Variants in CDYL2 observed in about 807,000 individuals in gnomAD.
CDYL2 encodes chromodomain Y like 2, also known as chromodomain Y-like protein 2.
In CDYL2, 23 loss-of-function variants were observed where a neutral mutation model predicts 49.4. That is an observed-to-expected ratio of 0.47 (90% CI 0.34 to 0.66). The LOEUF (loss-of-function observed/expected upper bound fraction) is 0.66. Ranked by LOEUF, CDYL2 falls within the 30% of genes least tolerant of loss-of-function variation. The pLI, the probability that CDYL2 is intolerant of heterozygous loss-of-function variation, is 0.01. For synonymous variants in CDYL2, 360 were observed against 268.8 expected (o/e 1.34, Z -3.32); for missense variants, 678 against 656.4 (o/e 1.03, Z -0.36).
At chr16:80,741,919 ATTCCACT>A (rs1489221412) in intron 1 of CDYL2, among the ~76,000 whole-genome samples, 1 of 152,336 alleles carries the variant, frequency 6.6e-6, no homozygotes, top group East Asian at 1.9e-4. Context: ...TTGGTTAGTA[ATTCCACT>A]TTCAGAAAAC....
chr16:80,699,525 C>CTCT, intron 1 of CDYL2, among the ~76,000 whole-genome samples: 2 of 151,650 alleles, frequency 1.3e-5, no homozygotes, highest in Admixed American at 1.3e-4. Flanking sequence ...ATAGCACGAA[C>CTCT]AGAGGATAGG....
At chr16:80,676,133 G>A (rs183824387) in intron 2 of CDYL2, among the ~76,000 whole-genome samples, 2 of 152,280 alleles carry the variant, frequency 1.3e-5, no homozygotes, top group East Asian at 3.9e-4. Context: ...CACTTTCCAT[G>A]TGCATAGGGC....
chr16:80,746,950 AT>A (rs1313788076), intron 1 of CDYL2, among the ~76,000 whole-genome samples: 1 of 152,166 alleles, frequency 6.6e-6, no homozygotes, highest in Non-Finnish European at 1.5e-5. Flanking sequence ...CTAGGACTAT[AT>A]TCCAATATGG....
intron 1 of CDYL2, among the ~76,000 whole-genome samples, chr16:80,735,347 A>G (rs1266371405): frequency 6.6e-6 from 1 of 152,238 alleles, no homozygotes; most frequent in Non-Finnish European, 1.5e-5. Flanking sequence ...AATAAAGTAC[A>G]GTCTGAGTGA....
intron 1 of CDYL2, among the ~76,000 whole-genome samples, chr16:80,785,921 T>C (rs558417117): frequency 1.8e-3 from 267 of 152,284 alleles, no homozygotes; most frequent in Non-Finnish European, 2.6e-3. Context: ...TGCAGAAAAC[T>C]GAAGCTGAAC....
At chr16:80,774,798 G>C (rs1268749563) in intron 1 of CDYL2, among the ~76,000 whole-genome samples, 1 of 151,690 alleles carries the variant, frequency 6.6e-6, no homozygotes, top group African/African-American at 2.4e-5. Flanking sequence ...AGGAAGGTCA[G>C]AATGAGCAAA....
chr16:80,634,146 G>C, intron 2 of CDYL2, among the ~76,000 whole-genome samples: 1 of 151,692 alleles, frequency 6.6e-6, no homozygotes, highest in Non-Finnish European at 1.5e-5. Context: ...AATGAAAGAG[G>C]GGGCATCACT....
chr16:80,659,131 G>C (rs932324094), intron 2 of CDYL2, among the ~76,000 whole-genome samples: 4 of 152,122 alleles, frequency 2.6e-5, no homozygotes, highest in African/African-American at 9.7e-5. Context: ...ACAGACAGAT[G>C]AGATGGATAA....
intron 1 of CDYL2, among the ~76,000 whole-genome samples, chr16:80,752,407 C>A (rs538755325): frequency 6.6e-6 from 1 of 152,000 alleles, no homozygotes; most frequent in Non-Finnish European, 1.5e-5. Flanking sequence ...AAAAGAACAT[C>A]GAGTCACAAA....
chr16:80,642,758 T>C (rs887661849), intron 2 of CDYL2, among the ~76,000 whole-genome samples: 1 of 152,146 alleles, frequency 6.6e-6, no homozygotes, highest in Non-Finnish European at 1.5e-5. Context: ...CTCATGAGAC[T>C]TATTCACTAC....
At chr16:80,645,303 C>A (rs1475131469) in intron 2 of CDYL2, among the ~76,000 whole-genome samples, 1 of 152,062 alleles carries the variant, frequency 6.6e-6, no homozygotes, top group Non-Finnish European at 1.5e-5. Flanking sequence ...GAAAAAACAA[C>A]CCCATCAACA....
chr16:80,701,025 T>C (rs1015087817), intron 1 of CDYL2, among the ~76,000 whole-genome samples: 3 of 152,162 alleles, frequency 2.0e-5, no homozygotes, highest in Admixed American at 1.3e-4. Flanking sequence ...GTTGGACAGG[T>C]AGCATGAGTG....
chr16:80,668,532 A>T (rs1909365789), intron 2 of CDYL2, among the ~76,000 whole-genome samples: 1 of 151,800 alleles, frequency 6.6e-6, no homozygotes, highest in African/African-American at 2.4e-5. Flanking sequence ...ATATATATAA[A>T]CTTAGAGAAT....
chr16:80,752,642 T>C (rs1309932686), intron 1 of CDYL2, among the ~76,000 whole-genome samples: 3 of 152,230 alleles, frequency 2.0e-5, no homozygotes, highest in Non-Finnish European at 4.4e-5. Flanking sequence ...ATTTGCCCTA[T>C]GGAAATATCC....
intron 2 of CDYL2, among the ~76,000 whole-genome samples, chr16:80,662,071 G>C (rs968021180): frequency 1.3e-5 from 2 of 152,130 alleles, no homozygotes; most frequent in Non-Finnish European, 2.9e-5. Context: ...AGATCATGAA[G>C]TCTCCATGTG....
At chr16:80,669,445 T>A (rs1597160663) in intron 2 of CDYL2, among the ~76,000 whole-genome samples, 1 of 151,966 alleles carries the variant, frequency 6.6e-6, no homozygotes, top group African/African-American at 2.4e-5. Context: ...CCCCTCCACC[T>A]CACTGCCGTC....
intron 1 of CDYL2, among the ~76,000 whole-genome samples, chr16:80,746,661 G>T (rs955334046): frequency 6.6e-6 from 1 of 152,168 alleles, no homozygotes; most frequent in Non-Finnish European, 1.5e-5. Flanking sequence ...ATCCAGGAAA[G>T]AACACTACCA....
chr16:80,775,870 T>C (rs1907066072), intron 1 of CDYL2, among the ~76,000 whole-genome samples: 1 of 151,316 alleles, frequency 6.6e-6, no homozygotes, highest in Non-Finnish European at 1.5e-5. Context: ...TACATATTTA[T>C]TTATATAAAA....
chr16:80,788,915 G>C (rs141408861), intron 1 of CDYL2, among the ~76,000 whole-genome samples: 3 of 152,178 alleles, frequency 2.0e-5, no homozygotes, highest in Middle Eastern at 3.4e-3. Flanking sequence ...AAACAACTAT[G>C]ACTGTTTTGT....
Sources: allele counts gnomAD v4.1 joint callset (sites outside exome capture counted in the v4.1 genomes callset), GRCh38; gene constraint gnomAD v4.1.1; transcripts MANE v1.5; gene names NCBI Gene and HGNC (gene_info 2026-07-23, HGNC 2026-07-21).